The following PTPRB variants were observed in gnomAD, a reference collection of about 807,000 sequenced individuals.
PTPRB encodes protein tyrosine phosphatase receptor type B, also known as receptor-type tyrosine-protein phosphatase beta.
Under a neutral mutation model 238.1 loss-of-function variants are expected in PTPRB, and 97 were observed. The observed-to-expected ratio is 0.41, with a 90% CI of 0.35 to 0.48. PTPRB has a LOEUF of 0.48. Among genes scored for constraint, PTPRB ranks in the 20% least tolerant of loss-of-function variants. PTPRB has a pLI of 0.30. For missense variants in PTPRB, 2,292 were observed against 2,681.9 expected (o/e 0.85, Z 3.21); for synonymous variants, 970 against 995.4 (o/e 0.97, Z 0.48).
chr12:70,558,148 G>T (rs1399860670), intron 18 of PTPRB, among the ~76,000 whole-genome samples: 1 of 152,104 alleles, frequency 6.6e-6, no homozygotes, highest in African/African-American at 2.4e-5. Context: ...CAGATGCAAT[G>T]GTCAGAAGTG....
At chr12:70,557,163 A>G (rs1196687143) in intron 18 of PTPRB, among the ~76,000 whole-genome samples, 2 of 152,174 alleles carry the variant, frequency 1.3e-5, no homozygotes, top group Non-Finnish European at 2.9e-5. Context: ...CTACGTAGAG[A>G]AAAACCAGAA....
chr12:70,558,912 T>C, intron 18 of PTPRB: 1 of 216,896 alleles, frequency 4.6e-6, no homozygotes, highest in South Asian at 1.1e-4. Flanking sequence ...CTCTCTCATC[T>C]TGGAATATTT....
In PTPRB at chr12:70,534,605, G is replaced by A. The variant is rs781260943; in HGVS notation, c.6251C>T (p.Thr2084Met). 11 of 1,612,780 alleles carry A rather than the reference G, an allele frequency of 6.8e-6. No individual in the cohort carries two copies. The highest frequency in any genetic ancestry group is 4.4e-5 in the South Asian group (4 of 90,712). Residue 2084 changes from threonine to methionine, a missense_variant, in exon 31 of 34, where the codon ACG becomes ATG. Physicochemically the swap from Thr to Met is moderately conservative, Grantham distance 81 (BLOSUM62 -1). Coordinates refer to ENST00000334414, the MANE Select transcript of PTPRB (RefSeq NM_001109754.4). ...AHRLIRHFHY[T>M]VWPDHGVPET... Reference sequence around the variant, plus strand: ...TGGGACTCCATGGTCTGGCCACACCGTATAGTGAAAGTGGCGGATGAGTCT... The same window carrying A: ...TGGGACTCCATGGTCTGGCCACACCATATAGTGAAAGTGGCGGATGAGTCT...
At chr12:70,548,883 C>T (rs1199370360) in intron 21 of PTPRB, among the ~76,000 whole-genome samples, 1 of 152,186 alleles carries the variant, frequency 6.6e-6, no homozygotes, top group East Asian at 1.9e-4. Context: ...CACATTGAAT[C>T]TCCTTCTGTC....
intron 15 of PTPRB, among the ~76,000 whole-genome samples, chr12:70,565,116 A>G (rs1879119597): frequency 1.3e-5 from 2 of 152,124 alleles, no homozygotes; most frequent in South Asian, 2.1e-4. Flanking sequence ...TAGGTACTCA[A>G]TAATAAATGA....
intron 7 of PTPRB, among the ~76,000 whole-genome samples, chr12:70,590,907 G>T (rs1398924083): frequency 1.4e-5 from 2 of 143,062 alleles, no homozygotes; most frequent in African/African-American, 5.1e-5. Context: ...CATTTTTTAG[G>T]TCCTTATTAA....
Position 70,566,426 on chromosome 12 carries a change from G to A in PTPRB, c.3904+9C>T, listed in dbSNP as rs1167472558. 6.2e-7 allele frequency: 1 copy of A among 1,613,226 alleles called. No individual in the cohort carries two copies. The highest frequency in any genetic ancestry group is 8.5e-7 in the Non-Finnish European group (1 of 1,179,536). ...TATGTGCTACAAAACATTATGCTGT[G>A]CTAATTACCTGTTCGGCCTTCAGTC... On this transcript the variant is annotated intron_variant, in intron 15 of 33. Transcript: ENST00000334414.
chr12:70,533,948 T>A (rs1182845486), intron 31 of PTPRB, among the ~76,000 whole-genome samples: 2 of 152,226 alleles, frequency 1.3e-5, no homozygotes, highest in African/African-American at 4.8e-5. Context: ...ATCCAGTCTG[T>A]GGTATTTTGT....
chr12:70,627,676 A>G (rs941829178), intron 2 of PTPRB, among the ~76,000 whole-genome samples: 1 of 152,112 alleles, frequency 6.6e-6, no homozygotes, highest in Non-Finnish European at 1.5e-5. Context: ...TATACCTGCT[A>G]TCTTCAATGA....
chr12:70,570,882 A>G (rs1565958027), intron 13 of PTPRB, 144 bp downstream of exon 13: 1 of 896,876 alleles, frequency 1.1e-6, no homozygotes, highest in Non-Finnish European at 1.7e-6. Context: ...GTTGGACAAC[A>G]TCATTGTCAC....
intron 15 of PTPRB, among the ~76,000 whole-genome samples, chr12:70,563,841 C>T (rs1241350259): frequency 6.6e-6 from 1 of 152,196 alleles, no homozygotes; most frequent in Non-Finnish European, 1.5e-5. Context: ...CTGTCCCTTC[C>T]TCTATAATCC....
At chr12:70,533,974 A>G (rs572723976) in intron 31 of PTPRB, among the ~76,000 whole-genome samples, 7 of 152,262 alleles carry the variant, frequency 4.6e-5, no homozygotes, top group Non-Finnish European at 8.8e-5. Context: ...CAGCACAAAT[A>G]GACAAAGACA....
At chr12:70,522,283 A>C (rs1311713325) in intron 33 of PTPRB, among the ~76,000 whole-genome samples, 1 of 152,198 alleles carries the variant, frequency 6.6e-6, no homozygotes, top group Non-Finnish European at 1.5e-5. Context: ...TCCACATGGC[A>C]AGGAATTGTG....
In PTPRB at chr12:70,572,057, C is replaced by T; in HGVS notation, c.2873G>A (p.Ser958Asn). 6.2e-7 allele frequency: 1 copy of T among 1,613,342 alleles called. No individual in the cohort carries two copies. The highest frequency in any genetic ancestry group is 8.5e-7 in the Non-Finnish European group (1 of 1,179,494). The change falls in exon 12 of 34, where the codon AGC becomes AAC. Residue 958 changes from serine (S) to asparagine (N), a missense_variant. Coordinates refer to ENST00000334414, the MANE Select transcript of PTPRB (RefSeq NM_001109754.4). ...TAAATAGTCACTCCTGGCTGAGTTG[C>T]TAACACTGACTCCCTGGACTTTGTC... is the stretch of plus-strand genomic sequence containing the variant. The part of the protein sequence containing the change: ...VPDKVQGVSV[S>N]NSARSDYLRV...
At position 70,548,048 on chromosome 12, in the gene PTPRB, T is replaced by G. The variant is rs375515614; in HGVS notation, c.5388-3385A>C. 1.8e-4 allele frequency among the ~76,000 whole-genome samples: 27 copies of G among 152,240 alleles called. No homozygotes were observed. In the East Asian group the frequency reaches 5.0e-3, roughly 28 times the overall value. On this transcript the variant is annotated intron_variant, in intron 21 of 33. Coordinates refer to ENST00000334414, the MANE Select transcript of PTPRB (RefSeq NM_001109754.4). ...TTGGTTAAAAGCAATGACTTCTGGC[T>G]GGGCACAGTGGCTCATGCCTGTAAT...
At chr12:70,591,443 TA>T (rs5798995) in intron 7 of PTPRB, among the ~76,000 whole-genome samples, 16,231 of 152,186 alleles carry the variant, frequency 0.11, 985 homozygotes, top group Non-Finnish European at 0.13. Context: ...ATAATGGTAA[TA>T]AATAACAAGA....
intron 18 of PTPRB, among the ~76,000 whole-genome samples, chr12:70,556,763 G>A (rs923961520): frequency 6.6e-6 from 1 of 152,156 alleles, no homozygotes; most frequent in Non-Finnish European, 1.5e-5. Context: ...CCTGAAAGAA[G>A]CCAGAGGGGG....
At chr12:70,609,376 G>A in intron 3 of PTPRB, 37 bp from the exon 4 acceptor site, 1 of 1,599,224 alleles carries the variant, frequency 6.3e-7, no homozygotes, top group South Asian at 1.1e-5. Context: ...TAAGTCCACA[G>A]TCTGGACTGC....
intron 33 of PTPRB, 98 bp from the exon 34 acceptor site, chr12:70,521,609 CAT>C: frequency 1.9e-6 from 2 of 1,053,950 alleles, no homozygotes; most frequent in Non-Finnish European, 2.6e-6. Context: ...CCAGCAGAAA[CAT>C]ATAGCTCAAC....
Sources: gnomAD v4.1 joint callset for allele counts (sites outside exome capture counted in the v4.1 genomes callset) on GRCh38, gnomAD v4.1.1 for gene constraint, MANE v1.5 for transcripts, NCBI Gene and HGNC (gene_info 2026-07-23, HGNC 2026-07-21) for gene names.